Variants in PLA2G2D observed in about 807,000 individuals in gnomAD.
PLA2G2D encodes phospholipase A2 group IID, also known as group IID secretory phospholipase A2.
PLA2G2D carries 17 observed loss-of-function variants against 13.9 expected under a neutral mutation model. The ratio of observed to expected loss-of-function variants is 1.23; its 90% CI spans 0.84 to 1.84. The LOEUF is 1.84. Among genes scored for constraint, PLA2G2D ranks in the 40% most tolerant of loss-of-function variants. The probability of loss-of-function intolerance (pLI) is 0.00; values close to 1 mark genes in which losing one functional copy is unlikely to be tolerated. For missense variants in PLA2G2D, 194 were observed against 178.7 expected (o/e 1.09, Z -0.49); for synonymous variants, 83 against 69.3 (o/e 1.20, Z -0.98).
At chr1:20,116,515 T>C in intron 1 of PLA2G2D, 38 bp from the exon 2 acceptor site, 1 of 1,612,368 alleles carries the variant, frequency 6.2e-7, no homozygotes, top group Non-Finnish European at 8.5e-7. Flanking sequence ...GAAGAGGAGA[T>C]GAATTTCAGG....
At chr1:20,115,410 A>G in intron 3 of PLA2G2D, 97 bp downstream of exon 3, 1 of 778,024 alleles carries the variant, frequency 1.3e-6, no homozygotes, top group East Asian at 2.5e-5. Context: ...ATGCAAAAAA[A>G]AAACAGAGAG....
rs963533840 is a variant in PLA2G2D at position 20,114,018 on chromosome 1, C to G, written c.*96G>C. On this transcript the variant is annotated 3_prime_UTR_variant, in exon 4 of 4. Coordinates refer to ENST00000375105, the MANE Select transcript of PLA2G2D (RefSeq NM_012400.4). The stretch of plus-strand genomic sequence containing the variant: ...CCGGGGGAGGCTGGGACTACCTCCC[C>G]CCGGAGTGTTTGAAAAGCCAGGCTG... 18 of 1,175,994 alleles carry G rather than the reference C, an allele frequency of 1.5e-5. No homozygotes were observed. The highest frequency in any genetic ancestry group is 3.1e-5 in the African/African-American group (2 of 65,428). 72.8% of individuals were successfully genotyped at this position (1,175,994 alleles called of 1,614,324 possible).
chr1:20,114,141 G>C lies in PLA2G2D; in HGVS notation c.411C>G (p.His137Gln), dbSNP rs1367927324. The change falls in exon 4 of 4, where the codon CAC becomes CAG. Residue 137 changes from histidine (H) to glutamine (Q), a missense_variant. By Grantham distance (24) the His-to-Gln change is conservative. Transcript: ENST00000375105. ...QKRLRFYWRP[H>Q]CRGQTPGC ...AGCACCCAGGGGTCTGCCCCCGGCA[G>C]TGGGGCCGCCAGTAGAAACGCAGTC... 1 of 1,613,716 alleles carries C rather than the reference G, an allele frequency of 6.2e-7. No individual in the cohort carries two copies. The highest frequency in any genetic ancestry group is 1.1e-5 in the South Asian group (1 of 91,066).
At chr1:20,118,519 C>A (rs533312081) in intron 1 of PLA2G2D, among the ~76,000 whole-genome samples, 6 of 152,298 alleles carry the variant, frequency 3.9e-5, no homozygotes, top group Admixed American at 2.6e-4. Context: ...GGGATGGACA[C>A]AGTGGGTGGG....
In PLA2G2D at chr1:20,116,395, G is replaced by A. The variant is rs953936828; in HGVS notation, c.123C>T (p.Tyr41=). The A allele has an allele frequency of 2.5e-6, 4 of 1,614,058 alleles. No individual in the cohort carries two copies. The African/African-American group carries it at 4.0e-5, about 16-fold the overall frequency. Residue 41 remains tyrosine, a synonymous_variant, in exon 2 of 4, where the codon TAC becomes TAT. Coordinates refer to ENST00000375105, the MANE Select transcript of PLA2G2D (RefSeq NM_012400.4). ...QVTGKMPILS[Y]WPYGCHCGLG... The stretch of plus-strand genomic sequence containing the variant: ...GTCCGCAGTGACAGCCGTAGGGCCA[G>A]TAGGAGAGGATGGGCATTTTCCCAG...
intron 1 of PLA2G2D, among the ~76,000 whole-genome samples, chr1:20,118,851 A>G (rs2017036525): frequency 6.6e-6 from 1 of 152,184 alleles, no homozygotes; most frequent in South Asian, 2.1e-4. Context: ...AATCCTGGAG[A>G]CATGTTCCTC....
In PLA2G2D at chr1:20,116,909, CGAGA is replaced by C. The variant is rs1192190224; in HGVS notation, c.41-436_41-433del. ...GTGGGAGGTGGAGGCTGCAGTGAGCCGAGATCTTGCCACTGCACTCCAGCCTGGG... is the reference window on the plus strand; with the variant it reads ...GTGGGAGGTGGAGGCTGCAGTGAGCCTCTTGCCACTGCACTCCAGCCTGGG... On this transcript the variant is annotated intron_variant, in intron 1 of 3. Transcript: ENST00000375105. Among the ~76,000 whole-genome samples the C allele has an allele frequency of 4.6e-5, 7 of 151,786 alleles. No individual in the cohort carries two copies. The East Asian group carries it at 1.4e-3, about 30-fold the overall frequency.
intron 1 of PLA2G2D, among the ~76,000 whole-genome samples, chr1:20,117,174 A>G (rs1467347598): frequency 4.6e-5 from 7 of 152,238 alleles, no homozygotes; most frequent in African/African-American, 1.7e-4. Flanking sequence ...CTTGTGATTC[A>G]TTTGTTAAAA....
At position 20,117,825 on chromosome 1, in the gene PLA2G2D, T is replaced by C. The variant is rs189017576; in HGVS notation, c.41-1348A>G. Among the ~76,000 whole-genome samples, 261 of 152,176 alleles carry C rather than the reference T, an allele frequency of 1.7e-3. 1 individual carries two copies. Among genetic ancestry groups the C allele is most frequent in the African/African-American group, 5.6e-3 (234 of 41,510 alleles). On this transcript the variant is annotated intron_variant, in intron 1 of 3. Coordinates refer to ENST00000375105, the MANE Select transcript of PLA2G2D (RefSeq NM_012400.4). ...TAGTACACAGTGGGTGAGCCACACA[T>C]TGGGGACCGTTGGGCTGGGAAGGGT...
At chr1:20,118,335 C>T (rs747741747) in intron 1 of PLA2G2D, among the ~76,000 whole-genome samples, 3 of 152,138 alleles carry the variant, frequency 2.0e-5, no homozygotes, top group East Asian at 1.9e-4. Flanking sequence ...AGAATGCTTT[C>T]GGGTGGTCTT....
rs2017047865 is a variant in PLA2G2D, at chr1:20,119,378, C to T, written c.40+81G>A. The T allele has an allele frequency of 4.9e-6, 6 of 1,218,958 alleles. No homozygotes were observed. In the East Asian group the frequency reaches 9.3e-5, roughly 19 times the overall value. The allele number at this position is 1,218,958 out of a possible 1,614,324, so 75.5% of individuals were successfully genotyped here. ...GGCTCCTGGGGATCAGAGCAGCAGC[C>T]CCCTAATCTGGGAAAGAGAGCACAG... is the stretch of plus-strand genomic sequence containing the variant. On this transcript the variant is annotated intron_variant, in intron 1 of 3. Transcript: ENST00000375105.
At chr1:20,114,306 A>G in intron 3 of PLA2G2D, 47 bp from the exon 4 acceptor site, 1 of 1,583,666 alleles carries the variant, frequency 6.3e-7, no homozygotes, top group Non-Finnish European at 8.6e-7. Flanking sequence ...TTTCCGAGAC[A>G]GAGGCAGGTA....
intron 1 of PLA2G2D, among the ~76,000 whole-genome samples, chr1:20,117,524 A>G (rs1268232956): frequency 6.6e-6 from 1 of 152,190 alleles, no homozygotes; most frequent in Non-Finnish European, 1.5e-5. Context: ...AATTGATAGT[A>G]AGGGGAATTT....
At position 20,114,015 on chromosome 1, in the gene PLA2G2D, C is replaced by A; in HGVS notation, c.*99G>T. On this transcript the variant is annotated 3_prime_UTR_variant, in exon 4 of 4. Transcript: ENST00000375105. ...GTTCCGGGGGAGGCTGGGACTACCT[C>A]CCCCCGGAGTGTTTGAAAAGCCAGG... 2.7e-6 allele frequency: 3 copies of A among 1,118,476 alleles called. No individual in the cohort carries two copies. Among genetic ancestry groups the A allele is most frequent in the Non-Finnish European group, 3.9e-6 (3 of 771,614 alleles). The allele number at this position is 1,118,476 out of a possible 1,614,324, so 69.3% of individuals were successfully genotyped here.
intron 1 of PLA2G2D, among the ~76,000 whole-genome samples, chr1:20,117,144 C>T (rs901162914): frequency 6.6e-6 from 1 of 152,156 alleles, no homozygotes; most frequent in African/African-American, 2.4e-5. Context: ...CAGCCAATTT[C>T]CTCAAATGTT....
chr1:20,115,684 G>T, intron 2 of PLA2G2D, 71 bp from the exon 3 acceptor site: 1 of 950,612 alleles, frequency 1.1e-6, no homozygotes, highest in Non-Finnish European at 1.7e-6. Flanking sequence ...CCCCCTACTG[G>T]AGAAGAACCC....
rs1557767000 is a variant in PLA2G2D, at chr1:20,114,184, A to C, written c.368T>G (p.Leu123Arg). 1.9e-6 allele frequency: 3 copies of C among 1,614,000 alleles called. No individual in the cohort carries two copies. Among genetic ancestry groups the C allele is most frequent in the Non-Finnish European group, 2.5e-6 (3 of 1,179,920 alleles). Residue 123 changes from leucine to arginine, a missense_variant, in exon 4 of 4, where the codon CTG (leucine) becomes CGG (arginine). Leu to Arg is a moderately radical substitution (Grantham distance 102). Transcript: ENST00000375105. ...KEVAFCLKRN[L>R]DTYQKRLRFY... ...ACGCAGTCGCTTCTGGTAGGTGTCC[A>C]GGTTGCGCTTCAGGCAGAAGGCCAC...
rs565540509 is a variant in PLA2G2D at position 20,119,408 on chromosome 1, A to T, written c.40+51T>A. 3.3e-6 allele frequency: 5 copies of T among 1,492,784 alleles called. No individual in the cohort carries two copies. The East Asian group carries it at 1.1e-4, about 34-fold the overall frequency. 92.5% of individuals were successfully genotyped at this position (1,492,784 alleles called of 1,614,324 possible). The stretch of plus-strand genomic sequence containing the variant: ...AATCTGGGAAAGAGAGCACAGGGGT[A>T]CACTGGCCTCCCTCCTTCCCTTCCC... On this transcript the variant is annotated intron_variant, in intron 1 of 3. Transcript: ENST00000375105.
At chr1:20,114,323 T>C in intron 3 of PLA2G2D, 64 bp from the exon 4 acceptor site, 1 of 1,528,910 alleles carries the variant, frequency 6.5e-7, no homozygotes, top group Non-Finnish European at 8.9e-7. Flanking sequence ...GGTATGAGTC[T>C]AGCAGCCTCT....
Sources: allele counts gnomAD v4.1 joint callset (sites outside exome capture counted in the v4.1 genomes callset), GRCh38; gene constraint gnomAD v4.1.1; transcripts MANE v1.5; gene names NCBI Gene and HGNC (gene_info 2026-07-23, HGNC 2026-07-21).